CAMK4: variants seen among roughly 807,000 people sequenced by gnomAD.
CAMK4 encodes calcium/calmodulin-dependent protein kinase type IV.
A neutral mutation model predicts 44.9 loss-of-function variants in CAMK4; 22 were observed. The ratio of observed to expected loss-of-function variants is 0.49; its 90% CI spans 0.35 to 0.70. The LOEUF is 0.70. Ranked by LOEUF, CAMK4 falls within the 30% of genes least tolerant of loss-of-function variation. CAMK4 has a pLI of 0.01. For synonymous variants in CAMK4, 218 were observed against 215.4 expected (o/e 1.01, Z -0.11); for missense variants, 498 against 586.8 (o/e 0.85, Z 1.56).
rs996954864 is a variant in CAMK4, at chr5:111,381,466, G to A, written c.386+4524G>A. ...AAGAGTCGGAAAGCTGAAGAACTTG[G>A]AGTCTGATGTTCAAAGGCAGCACAG... On this transcript the variant is annotated intron_variant, in intron 4 of 10. Coordinates refer to ENST00000282356, the MANE Select transcript of CAMK4 (RefSeq NM_001744.6). Among the ~76,000 whole-genome samples, 5 of 152,150 alleles carry A rather than the reference G, an allele frequency of 3.3e-5. No homozygotes were observed. The East Asian group carries it at 9.6e-4, about 29-fold the overall frequency.
intron 8 of CAMK4, among the ~76,000 whole-genome samples, chr5:111,476,578 A>G (rs1036107731): frequency 6.6e-6 from 1 of 151,374 alleles, no homozygotes; most frequent in Non-Finnish European, 1.5e-5. Flanking sequence ...CGCATGGCCC[A>G]CTCTTTCCTT....
At position 111,260,050 on chromosome 5, in the gene CAMK4, T is replaced by A. The variant is rs193011422; in HGVS notation, c.161+35406T>A. On this transcript the variant is annotated intron_variant, in intron 1 of 10. Transcript: ENST00000282356. ...TGGTAAGTTCTATAAATTCTTTTAA[T>A]GTCATAAATAATAGCCGAAAAGAAT... is the stretch of plus-strand genomic sequence containing the variant. Among the ~76,000 whole-genome samples the A allele has an allele frequency of 9.2e-4, 140 of 152,338 alleles. 1 individual carries two copies. Among genetic ancestry groups the A allele is most frequent in the African/African-American group, 3.1e-3 (128 of 41,584 alleles).
At position 111,476,266 on chromosome 5, in the gene CAMK4, TGTGTTTG is replaced by T. The variant is rs1755236451; in HGVS notation, c.702-2114_702-2108del. On this transcript the variant is annotated intron_variant, in intron 8 of 10. Coordinates refer to ENST00000282356, the MANE Select transcript of CAMK4 (RefSeq NM_001744.6). Reference sequence around the variant, plus strand: ...GTGTGTGTGTGTGTGTGTGTGTGTGTGTGTTTGTGTGTGTGTGTGTGTGTGTGTTTTG... The same window carrying T: ...GTGTGTGTGTGTGTGTGTGTGTGTGTTGTGTGTGTGTGTGTGTGTGTTTTG... Among the ~76,000 whole-genome samples the T allele has an allele frequency of 1.3e-3, 173 of 135,556 alleles. 1 individual carries two copies. The highest frequency in any genetic ancestry group is 5.1e-3 in the African/African-American group (156 of 30,594). The allele number at this position is 135,556 out of a possible 152,430, so 88.9% of individuals were successfully genotyped here. A position where few individuals can be genotyped will look rare whatever the true frequency, so the allele number is the denominator to read the frequency against.
At chr5:111,355,685 ATGTTCC>A (rs35898086) in intron 2 of CAMK4, among the ~76,000 whole-genome samples, 50,973 of 142,038 alleles carry the variant, frequency 0.36, 9,623 homozygotes, top group South Asian at 0.5. Flanking sequence ...CCAGAGTGTG[ATGTTCC>A]CCTTCCTGTG....
chr5:111,271,102 C>T (rs1194990101), intron 1 of CAMK4, among the ~76,000 whole-genome samples: 1 of 152,182 alleles, frequency 6.6e-6, no homozygotes, highest in Non-Finnish European at 1.5e-5. Flanking sequence ...GATCCAATCA[C>T]CTCCTACCAG....
chr5:111,476,121 T>A lies in CAMK4; in HGVS notation c.702-2260T>A, dbSNP rs74570432. ...TGTACATAAACTCTGGGGCTGTTTT[T>A]TTTTAATAAAGCCATGAATAGACAT... On this transcript the variant is annotated intron_variant, in intron 8 of 10. Coordinates refer to ENST00000282356, the MANE Select transcript of CAMK4 (RefSeq NM_001744.6). Among the ~76,000 whole-genome samples, 969 of 152,268 alleles carry A rather than the reference T, an allele frequency of 6.4e-3. 8 individuals are homozygous for A. The highest frequency in any genetic ancestry group is 0.022 in the African/African-American group (896 of 41,542).
chr5:111,279,816 T>G (rs970207985), intron 1 of CAMK4, among the ~76,000 whole-genome samples: 1 of 152,188 alleles, frequency 6.6e-6, no homozygotes, highest in African/African-American at 2.4e-5. Flanking sequence ...TTTATCCTTG[T>G]GTCCTTTGTG....
intron 1 of CAMK4, among the ~76,000 whole-genome samples, chr5:111,316,912 C>A (rs1748447650): frequency 6.6e-6 from 1 of 152,126 alleles, no homozygotes; most frequent in Non-Finnish European, 1.5e-5. Flanking sequence ...TTGACCTCTA[C>A]ACTAAAAATT....
rs536731463 is a variant in CAMK4, at chr5:111,325,235, C to T, written c.162-18789C>T. On this transcript the variant is annotated intron_variant, in intron 1 of 10. Transcript: ENST00000282356. ...TGGTATATATATATTTATATATATG[C>T]CACATTTTCTTTATCCAGTCTATCA... 1.8e-3 allele frequency among the ~76,000 whole-genome samples: 275 copies of T among 151,966 alleles called. 1 individual carries two copies. Among genetic ancestry groups the T allele is most frequent in the African/African-American group, 6.3e-3 (263 of 41,454 alleles).
At chr5:111,431,733 A>G (rs145419046) in intron 5 of CAMK4, among the ~76,000 whole-genome samples, 1,600 of 152,282 alleles carry the variant, frequency 0.011, 29 homozygotes, top group African/African-American at 0.037. Flanking sequence ...AAGAAGACAT[A>G]CAAATGGCAA....
chr5:111,473,797 A>G (rs1220618411), intron 8 of CAMK4, among the ~76,000 whole-genome samples: 1 of 152,154 alleles, frequency 6.6e-6, no homozygotes, highest in African/African-American at 2.4e-5. Context: ...GCAATTCCAA[A>G]CTGGTATATT....
intron 5 of CAMK4, among the ~76,000 whole-genome samples, chr5:111,408,722 TA>T (rs942867613): frequency 1.2e-4 from 18 of 152,310 alleles, no homozygotes; most frequent in African/African-American, 4.3e-4. Context: ...TATGAGGCTA[TA>T]AAATCAAAAG....
rs543214259 is a variant in CAMK4 at position 111,335,774 on chromosome 5, A to G, written c.162-8250A>G. On this transcript the variant is annotated intron_variant, in intron 1 of 10. Coordinates refer to ENST00000282356, the MANE Select transcript of CAMK4 (RefSeq NM_001744.6). ...CAGGTGTTAATAGCTTTACAGAACA[A>G]TGTGTGGGGATATAATATATATTTT... 2.6e-5 allele frequency among the ~76,000 whole-genome samples: 4 copies of G among 151,438 alleles called. No individual in the cohort carries two copies. The East Asian group carries it at 7.8e-4, about 30-fold the overall frequency.
intron 7 of CAMK4, among the ~76,000 whole-genome samples, chr5:111,458,964 G>A (rs1174499782): frequency 2.6e-5 from 4 of 152,168 alleles, no homozygotes; most frequent in Non-Finnish European, 4.4e-5. Flanking sequence ...GGAAGACATC[G>A]GAGCATCAGG....
Position 111,343,187 on chromosome 5 carries a change from C to G in CAMK4, c.162-837C>G, listed in dbSNP as rs570059390. ...TCTTGGCTCTGTTAAAAATGTGTTG[C>G]CTTTAGATAGCTGGGAATGTGTTTT... On this transcript the variant is annotated intron_variant, in intron 1 of 10. Transcript: ENST00000282356. Among the ~76,000 whole-genome samples the G allele has an allele frequency of 7.2e-5, 11 of 151,740 alleles. No homozygotes were observed. In the South Asian group the frequency reaches 2.3e-3, roughly 31 times the overall value.
chr5:111,288,180 G>A (rs1751313039), intron 1 of CAMK4, among the ~76,000 whole-genome samples: 1 of 152,078 alleles, frequency 6.6e-6, no homozygotes, highest in Non-Finnish European at 1.5e-5. Context: ...GTATTCTGTT[G>A]TAAAAACATT....
intron 2 of CAMK4, among the ~76,000 whole-genome samples, chr5:111,369,006 A>C (rs1750900900): frequency 6.7e-6 from 1 of 150,358 alleles, no homozygotes; most frequent in Non-Finnish European, 1.5e-5. Context: ...ACTGACTCTC[A>C]AAGTTTTGGG....
intron 1 of CAMK4, among the ~76,000 whole-genome samples, chr5:111,297,337 T>C (rs969090476): frequency 1.3e-5 from 2 of 152,204 alleles, no homozygotes; most frequent in African/African-American, 4.8e-5. Flanking sequence ...TCTCAAGTCT[T>C]TCCTGGGGCA....
At chr5:111,355,648 C>A (rs1393523017) in intron 2 of CAMK4, among the ~76,000 whole-genome samples, 1 of 133,474 alleles carries the variant, frequency 7.5e-6, no homozygotes, top group Non-Finnish European at 1.6e-5. Flanking sequence ...GCTATCCCTC[C>A]CCCCTCCCCA....
Sources: gnomAD v4.1 joint callset for allele counts (sites outside exome capture counted in the v4.1 genomes callset) on GRCh38, gnomAD v4.1.1 for gene constraint, MANE v1.5 for transcripts, NCBI Gene and HGNC (gene_info 2026-07-23, HGNC 2026-07-21) for gene names.